SIRPB1: variants seen among roughly 807,000 people sequenced by gnomAD.
SIRPB1 encodes the protein signal-regulatory protein beta-1.
A neutral mutation model predicts 34.1 loss-of-function variants in SIRPB1; 28 were observed. The observed-to-expected ratio is 0.82, with a 90% CI of 0.61 to 1.12. The LOEUF (loss-of-function observed/expected upper bound fraction) is 1.12. Ranked by LOEUF, SIRPB1 falls within the 50% of genes most tolerant of loss-of-function variation. The pLI is 0.00. For synonymous variants in SIRPB1, 211 were observed against 203.8 expected, an observed-to-expected ratio of 1.04 and a Z score of -0.30; for missense variants, 499 against 507.0, an observed-to-expected ratio of 0.98 and a Z score of 0.15.
chr20:1,561,479 TA>T lies in SIRPB1; in HGVS notation c.*4020del, dbSNP rs1400527335. 1.3e-5 allele frequency among the ~76,000 whole-genome samples: 2 copies of T among 152,234 alleles called. No individual in the cohort carries two copies. The highest frequency in any genetic ancestry group is 4.8e-5 in the African/African-American group (2 of 41,464). ...TCCCATCCAGGATACCTGTTACATT[TA>T]CTTGTCATATCTCCTCAAGCTTCTC... On this transcript the variant is annotated 3_prime_UTR_variant, in exon 6 of 6. Transcript: ENST00000381605.
intron 4 of SIRPB1, among the ~76,000 whole-genome samples, chr20:1,568,902 A>T (rs79699278): frequency 6.6e-6 from 1 of 152,194 alleles, no homozygotes; most frequent in Non-Finnish European, 1.5e-5. Context: ...ACAAAGAGTC[A>T]ATCTTTTGAA....
At chr20:1,569,295 TA>T (rs2091189846) in intron 4 of SIRPB1, among the ~76,000 whole-genome samples, 1 of 152,252 alleles carries the variant, frequency 6.6e-6, no homozygotes, top group African/African-American at 2.4e-5. Context: ...AAAATGGTTC[TA>T]AAAAATTTGG....
chr20:1,563,239 A>T lies in SIRPB1; in HGVS notation c.*2261T>A, dbSNP rs1041737793. Among the ~76,000 whole-genome samples, 3 of 152,218 alleles carry T rather than the reference A, an allele frequency of 2.0e-5. No individual in the cohort carries two copies. Among genetic ancestry groups the T allele is most frequent in the African/African-American group, 7.2e-5 (3 of 41,448 alleles). ...CTAGGCATGGTGGCTCATGCCTGTA[A>T]TCCCAGCACTTTGGGAGGCCAAGAC... On this transcript the variant is annotated 3_prime_UTR_variant, in exon 6 of 6. Transcript: ENST00000381605.
chr20:1,568,542 G>C (rs1174520014), intron 4 of SIRPB1, among the ~76,000 whole-genome samples: 1 of 152,206 alleles, frequency 6.6e-6, no homozygotes, highest in Non-Finnish European at 1.5e-5. Flanking sequence ...TCCTTGAGAA[G>C]TACAACTATG....
rs1209084505 is a variant in SIRPB1, at chr20:1,611,994, C to G, written c.76+7875G>C. Among the ~76,000 whole-genome samples the G allele has an allele frequency of 3.1e-4, 22 of 69,870 alleles. 10 individuals are homozygous for G. The highest frequency in any genetic ancestry group is 1.3e-3 in the Admixed American group (11 of 8,532). The allele number at this position is 69,870 out of a possible 152,430, so 45.8% of individuals were successfully genotyped here. ...TTTCTTTTCTTTTCTTTTTGTTTTT[C>G]TTTTTCTTTTTTTTAAGACAGGGTC... On this transcript the variant is annotated intron_variant, in intron 1 of 5. Transcript: ENST00000381605.
rs1056995329 is a variant in SIRPB1 at position 1,588,068 on chromosome 20, G to A, written c.77-9374C>T. ...GAGGGAGGATCATGGGGGAACACAG[G>A]ACAAAATAAGGAGCACCCTTAGGGA... On this transcript the variant is annotated intron_variant, in intron 1 of 5. Coordinates refer to ENST00000381605, the MANE Select transcript of SIRPB1 (RefSeq NM_006065.5). Among the ~76,000 whole-genome samples the A allele has an allele frequency of 4.1e-5, 2 of 48,430 alleles. 1 individual carries two copies. The highest frequency in any genetic ancestry group is 2.7e-4 in the Admixed American group (2 of 7,316). The allele number at this position is 48,430 out of a possible 152,430, so 31.8% of individuals were successfully genotyped here.
intron 4 of SIRPB1, among the ~76,000 whole-genome samples, chr20:1,569,570 G>A (rs114332427): frequency 0.012 from 1,863 of 152,300 alleles, 47 homozygotes; most frequent in African/African-American, 0.043. Flanking sequence ...TTCCTCTTCT[G>A]GCAGGCAGGG....
At chr20:1,570,027 T>A (rs1462067886) in intron 4 of SIRPB1, among the ~76,000 whole-genome samples, 1 of 152,224 alleles carries the variant, frequency 6.6e-6, no homozygotes, top group African/African-American at 2.4e-5. Context: ...AGCCTGGTAG[T>A]GAGCCTGTCC....
rs1488985309 is a variant in SIRPB1, at chr20:1,589,332, G to A, written c.77-10638C>T. 8.3e-5 allele frequency among the ~76,000 whole-genome samples: 4 copies of A among 48,290 alleles called. 2 individuals carry two copies. The highest frequency in any genetic ancestry group is 1.6e-4 in the Non-Finnish European group (4 of 25,200). The allele number at this position is 48,290 out of a possible 152,430, so 31.7% of individuals were successfully genotyped here. On this transcript the variant is annotated intron_variant, in intron 1 of 5. Coordinates refer to ENST00000381605, the MANE Select transcript of SIRPB1 (RefSeq NM_006065.5). ...TTGTCGGGTGAAGTGAGGATCATGG[G>A]TTATGGAAAAGGGATAGGGTTATGA...
intron 3 of SIRPB1, among the ~76,000 whole-genome samples, 177 bp downstream of exon 3, chr20:1,571,543 G>T (rs1332863157): frequency 6.6e-6 from 1 of 152,210 alleles, no homozygotes; most frequent in Non-Finnish European, 1.5e-5. Context: ...CATGGTTGCT[G>T]GTCCCCTGAC....
rs751076264 is a variant in SIRPB1, at chr20:1,611,085, A to G, written c.76+8784T>C. 1.5e-4 allele frequency among the ~76,000 whole-genome samples: 11 copies of G among 72,744 alleles called. 5 individuals carry two copies. The highest frequency in any genetic ancestry group is 2.8e-4 in the Non-Finnish European group (11 of 38,768). 47.7% of individuals were successfully genotyped at this position (72,744 alleles called of 152,430 possible). A position where few individuals can be genotyped will look rare whatever the true frequency, so the allele number is the denominator to read the frequency against. On this transcript the variant is annotated intron_variant, in intron 1 of 5. Coordinates refer to ENST00000381605, the MANE Select transcript of SIRPB1 (RefSeq NM_006065.5). ...GTCAGTTCCCTCATCTGTGGAACCA[A>G]AGGGCTGGATCAGCTTTGGAAACAC...
At chr20:1,580,236 A>G (rs142258849) in intron 1 of SIRPB1, among the ~76,000 whole-genome samples, 33 of 147,654 alleles carry the variant, frequency 2.2e-4, no homozygotes, top group African/African-American at 7.6e-4. Context: ...TCACAGTTAC[A>G]TCTTCCCACC....
At position 1,614,184 on chromosome 20, in the gene SIRPB1, T is replaced by C. The variant is rs957762208; in HGVS notation, c.76+5685A>G. 1.3e-4 allele frequency among the ~76,000 whole-genome samples: 20 copies of C among 152,302 alleles called. 1 individual carries two copies. Among genetic ancestry groups the C allele is most frequent in the African/African-American group, 4.6e-4 (19 of 41,556 alleles). ...AAATACAAGGGAGAAATTACGATAT[T>C]CTCAGATAAACAAAAGCTAACAGAG... is the stretch of plus-strand genomic sequence containing the variant. On this transcript the variant is annotated intron_variant, in intron 1 of 5. Coordinates refer to ENST00000381605, the MANE Select transcript of SIRPB1 (RefSeq NM_006065.5).
rs1171289571 is a variant in SIRPB1 at position 1,570,963 on chromosome 20, T to A, written c.926A>T (p.Tyr309Phe). 2 of 1,613,484 alleles carry A rather than the reference T, an allele frequency of 1.2e-6. No individual in the cohort carries two copies. Among genetic ancestry groups the A allele is most frequent in the Non-Finnish European group, 1.7e-6 (2 of 1,179,894 alleles). The change falls in exon 4 of 6, where the codon TAC (tyrosine) becomes TTC (phenylalanine). Residue 309 changes from tyrosine to phenylalanine, a missense_variant. Physicochemically the swap from Tyr to Phe is conservative, Grantham distance 22. Transcript: ENST00000381605. ...CACCAGGAGCCAGCTCATCCAGTTG[T>A]AGGTGCCATCCTTGTTCTCTATGAG... is the stretch of plus-strand genomic sequence containing the variant. ...STLIENKDGT[Y>F]NWMSWLLVNT...
intron 1 of SIRPB1, among the ~76,000 whole-genome samples, chr20:1,616,615 A>G (rs181063213): frequency 6.6e-6 from 1 of 152,320 alleles, no homozygotes; most frequent in East Asian, 1.9e-4. Flanking sequence ...GTACTGGAAG[A>G]AAAGTGCCAT....
chr20:1,618,021 A>G (rs1220598176), intron 1 of SIRPB1, among the ~76,000 whole-genome samples: 1 of 152,198 alleles, frequency 6.6e-6, no homozygotes, highest in Non-Finnish European at 1.5e-5. Context: ...ATATATGTAT[A>G]TATAGACACA....
At chr20:1,616,798 A>G (rs79048345) in intron 1 of SIRPB1, among the ~76,000 whole-genome samples, 1,594 of 152,338 alleles carry the variant, frequency 0.01, 26 homozygotes, top group African/African-American at 0.035. Flanking sequence ...CTAGCCATGC[A>G]TCTAATGAAA....
In SIRPB1 at chr20:1,564,731, A is replaced by C. The variant is rs2091105858; in HGVS notation, c.*769T>G. ...GCAGTGTGAAATTGGTCAGGTTGGG[A>C]GTTATTACACTAGAGAAATTGGCAA... is the stretch of plus-strand genomic sequence containing the variant. On this transcript the variant is annotated 3_prime_UTR_variant, in exon 6 of 6. Transcript: ENST00000381605. The C allele has an allele frequency of 2.5e-6, 1 of 395,010 alleles. No homozygotes were observed. The allele number at this position is 395,010 out of a possible 1,614,324, so 24.5% of individuals were successfully genotyped here. A position where few individuals can be genotyped will look rare whatever the true frequency, so the allele number is the denominator to read the frequency against.
At chr20:1,579,326 A>G (rs1239693750) in intron 1 of SIRPB1, among the ~76,000 whole-genome samples, 2 of 148,268 alleles carry the variant, frequency 1.3e-5, no homozygotes, top group Non-Finnish European at 1.5e-5. Context: ...CGGAAGTGCC[A>G]TGTTTTGCCA....
Sources: allele counts gnomAD v4.1 joint callset (sites outside exome capture counted in the v4.1 genomes callset), GRCh38; gene constraint gnomAD v4.1.1; transcripts MANE v1.5; gene names NCBI Gene and HGNC (gene_info 2026-07-23, HGNC 2026-07-21).